IKBKB-DT: variants seen among roughly 807,000 people sequenced by gnomAD.
IKBKB-DT encodes the protein IKBKB antisense RNA.
At position 42,251,828 on chromosome 8, in the gene IKBKB-DT, C is replaced by CAAAAAAAAAAAAAAAAAAAAAAAA. The variant is rs59420104; in HGVS notation, n.1529+11500_1529+11501insTTTTTTTTTTTTTTTTTTTTTTTT. Among the ~76,000 whole-genome samples the CAAAAAAAAAAAAAAAAAAAAAAAA allele has an allele frequency of 1.6e-4, 15 of 91,454 alleles. 2 individuals carry two copies. Among genetic ancestry groups the CAAAAAAAAAAAAAAAAAAAAAAAA allele is most frequent in the African/African-American group, 5.4e-4 (14 of 25,784 alleles). The allele number at this position is 91,454 out of a possible 152,430, so 60.0% of individuals were successfully genotyped here. Reference sequence around the variant, plus strand: ...TAGGCAATAGAGCAAGACTCCATCTCAAAAAAAAAAAAAAAGAAAAGAAAA... The same window carrying CAAAAAAAAAAAAAAAAAAAAAAAA: ...TAGGCAATAGAGCAAGACTCCATCTCAAAAAAAAAAAAAAAAAAAAAAAAAAAAAAAAAAAAAAAGAAAAGAAAA... On this transcript the variant is annotated intron_variant and non_coding_transcript_variant, in intron 3 of 3. Coordinates refer to ENST00000518213, the Ensembl canonical transcript of IKBKB-DT.
At chr8:42,257,281 A>G (rs531554679) in intron 3 of IKBKB-DT, among the ~76,000 whole-genome samples, 1 of 152,284 alleles carries the variant, frequency 6.6e-6, no homozygotes, top group Admixed American at 6.5e-5. Context: ...AGGCAGGCGG[A>G]TCACGAGGTC....
At chr8:42,248,869 C>T (rs1399384437) in intron 3 of IKBKB-DT, among the ~76,000 whole-genome samples, 1 of 68,016 alleles carries the variant, frequency 1.5e-5, no homozygotes, top group Admixed American at 1.7e-4. Context: ...GAGGCTCTAC[C>T]AAAAAAAAAA....
chr8:42,256,607 C>A (rs1482621984), intron 3 of IKBKB-DT, among the ~76,000 whole-genome samples: 2 of 151,908 alleles, frequency 1.3e-5, no homozygotes, highest in South Asian at 2.1e-4. Flanking sequence ...TAATTTAAAT[C>A]ATCTTCATTG....
chr8:42,251,347 A>G (rs1158223863), intron 3 of IKBKB-DT, among the ~76,000 whole-genome samples: 2 of 152,156 alleles, frequency 1.3e-5, no homozygotes, highest in Non-Finnish European at 2.9e-5. Context: ...CACAATCTTA[A>G]ACTGATACCT....
At chr8:42,248,470 G>A (rs1807089045) in intron 3 of IKBKB-DT, among the ~76,000 whole-genome samples, 1 of 152,166 alleles carries the variant, frequency 6.6e-6, no homozygotes, top group African/African-American at 2.4e-5. Context: ...TTTCCAGGAA[G>A]CATTGATCTT....
At chr8:42,262,384 G>A (rs1807301759) in intron 3 of IKBKB-DT, among the ~76,000 whole-genome samples, 2 of 150,378 alleles carry the variant, frequency 1.3e-5, no homozygotes, top group Admixed American at 6.6e-5. Context: ...TTCCTCCCCT[G>A]ACTGACATCA....
In IKBKB-DT at chr8:42,235,758, G is replaced by A. The variant is rs543950663; in HGVS notation, n.1530-1899C>T. Among the ~76,000 whole-genome samples the A allele has an allele frequency of 3.4e-4, 51 of 152,158 alleles. 1 individual carries two copies. Among genetic ancestry groups the A allele is most frequent in the Non-Finnish European group, 6.8e-4 (46 of 68,030 alleles). ...TCCCACGTGGCATGGCCAGCGTCAT[G>A]TCAATTAAACCGTCTTTACTGCAAT... On this transcript the variant is annotated intron_variant and non_coding_transcript_variant, in intron 3 of 3. Coordinates refer to ENST00000518213, the Ensembl canonical transcript of IKBKB-DT.
intron 1 of IKBKB-DT, among the ~76,000 whole-genome samples, chr8:42,267,585 C>G (rs1807392861): frequency 6.6e-6 from 1 of 152,086 alleles, no homozygotes; most frequent in Non-Finnish European, 1.5e-5. Flanking sequence ...TCAGTAATGC[C>G]CTGGGCTGAG....
chr8:42,268,138 T>G (rs1807400335), intron 1 of IKBKB-DT, among the ~76,000 whole-genome samples: 1 of 150,962 alleles, frequency 6.6e-6, no homozygotes, highest in Non-Finnish European at 1.5e-5. Context: ...AATTTTTTTT[T>G]TTTTTTTTTT....
At chr8:42,269,780 C>T (rs912880688) in intron 1 of IKBKB-DT, among the ~76,000 whole-genome samples, 15 of 152,102 alleles carry the variant, frequency 9.9e-5, no homozygotes, top group African/African-American at 2.7e-4. Flanking sequence ...AACCCCAGGG[C>T]TGTCAGGCAC....
chr8:42,245,326 C>T (rs956195261), intron 3 of IKBKB-DT, among the ~76,000 whole-genome samples: 1 of 152,056 alleles, frequency 6.6e-6, no homozygotes, highest in African/African-American at 2.4e-5. Flanking sequence ...TTGGGAATAC[C>T]TCACCCCCAT....
At chr8:42,239,842 T>C (rs183700203) in intron 3 of IKBKB-DT, among the ~76,000 whole-genome samples, 22 of 151,580 alleles carry the variant, frequency 1.5e-4, no homozygotes, top group Admixed American at 3.3e-4. Flanking sequence ...TTTTGCCATG[T>C]TGGCCAGGCT....
intron 3 of IKBKB-DT, among the ~76,000 whole-genome samples, chr8:42,235,805 TTTTG>T (rs1162746414): frequency 6.6e-6 from 1 of 152,170 alleles, no homozygotes; most frequent in Non-Finnish European, 1.5e-5. Flanking sequence ...AGTGAGTTGA[TTTTG>T]TTTGTGCAGT....
rs773177896 is a variant in IKBKB-DT at position 42,241,224 on chromosome 8, C to CTTTTTTTTTTTTT, written n.1530-7378_1530-7366dup. On this transcript the variant is annotated intron_variant and non_coding_transcript_variant, in intron 3 of 3. Coordinates refer to ENST00000518213, the Ensembl canonical transcript of IKBKB-DT. Reference sequence around the variant, plus strand: ...TTGATGCCTTTAGATATGTTGGAATCTTTTTTTTTTTTTTTTTTTTTTTTT... The same window carrying CTTTTTTTTTTTTT: ...TTGATGCCTTTAGATATGTTGGAATCTTTTTTTTTTTTTTTTTTTTTTTTTTTTTTTTTTTTTT... 6.6e-4 allele frequency among the ~76,000 whole-genome samples: 30 copies of CTTTTTTTTTTTTT among 45,692 alleles called. 8 individuals carry two copies. The highest frequency in any genetic ancestry group is 1.7e-3 in the Admixed American group (4 of 2,332). 30.0% of individuals were successfully genotyped at this position (45,692 alleles called of 152,430 possible).
intron 3 of IKBKB-DT, chr8:42,263,199 G>C (rs1201755331): frequency 1.3e-5 from 2 of 152,034 alleles, no homozygotes; most frequent in Non-Finnish European, 2.9e-5. Flanking sequence ...TTTTAGTAGA[G>C]ACAGGGTCTT....
intron 3 of IKBKB-DT, among the ~76,000 whole-genome samples, chr8:42,248,588 G>C (rs535046445): frequency 2.0e-5 from 3 of 152,058 alleles, no homozygotes; most frequent in African/African-American, 7.2e-5. Context: ...CTTTTTTTAA[G>C]AGACCCAAAT....
intron 1 of IKBKB-DT, among the ~76,000 whole-genome samples, chr8:42,268,146 T>G (rs1396099625): frequency 6.6e-6 from 1 of 151,242 alleles, no homozygotes; most frequent in Non-Finnish European, 1.5e-5. Flanking sequence ...TTTTTTTTTT[T>G]TTTTTTAGAT....
At chr8:42,248,390 TG>T (rs1167262087) in intron 3 of IKBKB-DT, among the ~76,000 whole-genome samples, 1 of 152,074 alleles carries the variant, frequency 6.6e-6, no homozygotes, top group Non-Finnish European at 1.5e-5. Flanking sequence ...TACCATTTGT[TG>T]TTCTGGCCAT....
At position 42,235,441 on chromosome 8, in the gene IKBKB-DT, G is replaced by T. The variant is rs536606052; in HGVS notation, n.1530-1582C>A. Among the ~76,000 whole-genome samples, 22 of 152,188 alleles carry T rather than the reference G, an allele frequency of 1.4e-4. No homozygotes were observed. The East Asian group carries it at 4.1e-3, about 28-fold the overall frequency. ...GGTGGTCTCAAACTCCTGGCCTCAA[G>T]TGATCTGCCCACCTTGGTCTCCCAT... On this transcript the variant is annotated intron_variant and non_coding_transcript_variant, in intron 3 of 3. Coordinates refer to ENST00000518213, the Ensembl canonical transcript of IKBKB-DT.
Sources: gnomAD v4.1 joint callset for allele counts (sites outside exome capture counted in the v4.1 genomes callset) on GRCh38, gnomAD v4.1.1 for gene constraint, MANE v1.5 for transcripts, NCBI Gene and HGNC (gene_info 2026-07-23, HGNC 2026-07-21) for gene names.